Variants in STAB2 observed in about 807,000 individuals in gnomAD.
STAB2 encodes stabilin 2, also known as stabilin-2.
In STAB2, 288 loss-of-function variants were observed where a neutral mutation model predicts 338.1. The observed-to-expected ratio is 0.85, with a 90% CI of 0.77 to 0.94. The LOEUF is 0.94. STAB2 is among the 40% of genes least tolerant of loss of function. The probability of loss-of-function intolerance (pLI) is 0.00; values close to 1 mark genes in which losing one functional copy is unlikely to be tolerated. For missense variants in STAB2, 3,141 were observed against 3,210.1 expected (o/e 0.98, Z 0.52); for synonymous variants, 1,202 against 1,193.3 (o/e 1.01, Z -0.15).
In STAB2 at chr12:103,654,614, G is replaced by A. The variant is rs1315651598; in HGVS notation, c.1467G>A (p.Gly489=). The A allele has an allele frequency of 6.2e-7, 1 of 1,614,072 alleles. No individual in the cohort carries two copies. Among genetic ancestry groups the A allele is most frequent in the Non-Finnish European group, 8.5e-7 (1 of 1,179,980 alleles). The part of the protein sequence containing the change: ...GGKKKVKIIQ[G]DIIASNGLLH... ...AAAAGAAGGTAAAAATTATACAAGG[G>A]GACATCATTGCTTCCAATGGGCTTC... The change falls in exon 13 of 69, where the codon GGG becomes GGA. Residue 489 remains glycine (G), a synonymous_variant. Transcript: ENST00000388887.
In STAB2 at chr12:103,613,621, C is replaced by A. The variant is rs537933037; in HGVS notation, c.332-6847C>A. ...TTGGCTAGGAAAGGGAATTCCCTGA[C>A]CCCTTGCACTTCCCGGGCGAGGCAA... On this transcript the variant is annotated intron_variant, in intron 3 of 68. Transcript: ENST00000388887. Among the ~76,000 whole-genome samples, 812 of 152,276 alleles carry A rather than the reference C, an allele frequency of 5.3e-3. 6 individuals are homozygous for A. The highest frequency in any genetic ancestry group is 0.019 in the African/African-American group (779 of 41,556).
intron 53 of STAB2, among the ~76,000 whole-genome samples, chr12:103,738,222 A>G (rs1003903890): frequency 6.6e-6 from 1 of 152,344 alleles, no homozygotes; most frequent in African/African-American, 2.4e-5. Context: ...TCAGTCTAAT[A>G]TGATATGCCA....
intron 3 of STAB2, among the ~76,000 whole-genome samples, chr12:103,608,261 C>T (rs145536976): frequency 0.016 from 2,419 of 152,282 alleles, 73 homozygotes; most frequent in African/African-American, 0.055. Flanking sequence ...GCCTCAGCCT[C>T]CTGAGTAGCT....
Position 103,733,164 on chromosome 12 carries a change from T to A in STAB2, c.5442T>A (p.His1814Gln), listed in dbSNP as rs1204299745. 6.2e-7 allele frequency: 1 copy of A among 1,614,018 alleles called. No individual in the cohort carries two copies. ...AGCTGAAGGAGTATTTGAAGTTTCA[T>A]GTGATACGAGATGCCAAGGTATTTA... ...KDKLKEYLKF[H>Q]VIRDAKVLAV... is the part of the protein sequence containing the mutation. The change falls in exon 51 of 69, where the codon CAT (histidine) becomes CAA (glutamine). Residue 1814 changes from histidine (H) to glutamine (Q), a missense_variant. By Grantham distance (24) the His-to-Gln change is conservative (BLOSUM62 0). Coordinates refer to ENST00000388887, the MANE Select transcript of STAB2 (RefSeq NM_017564.10).
intron 4 of STAB2, among the ~76,000 whole-genome samples, chr12:103,621,264 T>G (rs1279307663): frequency 6.7e-6 from 1 of 149,792 alleles, no homozygotes. Context: ...AACCTTATGG[T>G]GCTATCCTCT....
intron 15 of STAB2, among the ~76,000 whole-genome samples, chr12:103,658,258 T>C (rs1874338439): frequency 6.6e-6 from 1 of 152,172 alleles, no homozygotes; most frequent in Non-Finnish European, 1.5e-5. Context: ...TGTTTTTACC[T>C]GAAACAGCAG....
intron 44 of STAB2, among the ~76,000 whole-genome samples, chr12:103,718,424 G>C (rs575666768): frequency 6.6e-6 from 1 of 152,248 alleles, no homozygotes; most frequent in Admixed American, 6.5e-5. Context: ...TAGATGCTCT[G>C]CATTGAGCAG....
intron 68 of STAB2, chr12:103,766,046 G>C (rs768693049): frequency 4.5e-6 from 3 of 660,076 alleles, no homozygotes; most frequent in Non-Finnish European, 8.4e-6. Context: ...AACTGCAGCC[G>C]AGTTGGGATG....
At chr12:103,749,301 T>C (rs1883369770) in intron 59 of STAB2, 145 bp downstream of exon 59, 1 of 940,010 alleles carries the variant, frequency 1.1e-6, no homozygotes, top group Admixed American at 3.0e-5. Context: ...TAAAAGTCAT[T>C]GGGCTAAATG....
intron 6 of STAB2, 147 bp downstream of exon 6, chr12:103,631,840 T>G: frequency 1.5e-6 from 1 of 679,194 alleles, no homozygotes. Flanking sequence ...AAAAAGAGAA[T>G]ATAGAAGAGA....
chr12:103,703,343 G>T, intron 35 of STAB2, 67 bp downstream of exon 35: 2 of 1,570,526 alleles, frequency 1.3e-6, no homozygotes, highest in Non-Finnish European at 1.7e-6. Context: ...TATAATTTTG[G>T]GGGCATAAGG....
At chr12:103,636,982 T>C in intron 6 of STAB2, 129 bp from the exon 7 acceptor site, 2 of 994,352 alleles carry the variant, frequency 2.0e-6, no homozygotes, top group Non-Finnish European at 2.7e-6. Context: ...TAACTTAACG[T>C]GTTCTGTATT....
intron 61 of STAB2, among the ~76,000 whole-genome samples, chr12:103,754,658 T>TA (rs1183437245): frequency 2.0e-5 from 3 of 152,112 alleles, no homozygotes; most frequent in Admixed American, 2.0e-4. Context: ...GATGAAGAAT[T>TA]AGAGTTCTAG....
At chr12:103,724,242 G>A (rs749076758) in intron 44 of STAB2, among the ~76,000 whole-genome samples, 31 of 152,214 alleles carry the variant, frequency 2.0e-4, no homozygotes, top group Non-Finnish European at 2.8e-4. Context: ...CCAGTGTGGA[G>A]GTAGTGGAGG....
chr12:103,650,472 C>T (rs751149369), intron 10 of STAB2, 24 bp from the exon 11 acceptor site: 3 of 1,609,238 alleles, frequency 1.9e-6, no homozygotes, highest in Non-Finnish European at 2.5e-6. Context: ...CGTTTTCTTT[C>T]TTTGTGTTAT....
chr12:103,746,534 C>G (rs1299910914), intron 57 of STAB2, 63 bp from the exon 58 acceptor site: 1 of 1,522,028 alleles, frequency 6.6e-7, no homozygotes, highest in Non-Finnish European at 9.1e-7. Flanking sequence ...GGAAAGTCTC[C>G]TTAGATGGGT....
At chr12:103,662,378 T>C (rs1257345846) in intron 17 of STAB2, among the ~76,000 whole-genome samples, 1 of 152,036 alleles carries the variant, frequency 6.6e-6, no homozygotes, top group East Asian at 1.9e-4. Flanking sequence ...TCAGAAATCT[T>C]TGCTAATTGG....
At chr12:103,669,876 A>G (rs1208885714) in intron 21 of STAB2, among the ~76,000 whole-genome samples, 1 of 152,168 alleles carries the variant, frequency 6.6e-6, no homozygotes, top group African/African-American at 2.4e-5. Flanking sequence ...GGGTAACTCA[A>G]GAAGGATCTC....
chr12:103,625,062 C>A (rs1308870749), intron 5 of STAB2, among the ~76,000 whole-genome samples: 6 of 152,038 alleles, frequency 3.9e-5, no homozygotes, highest in African/African-American at 1.4e-4. Flanking sequence ...TGTCTCCTCC[C>A]AAATTTACCC....
Sources: gnomAD v4.1 joint callset for allele counts (sites outside exome capture counted in the v4.1 genomes callset) on GRCh38, gnomAD v4.1.1 for gene constraint, MANE v1.5 for transcripts, NCBI Gene and HGNC (gene_info 2026-07-23, HGNC 2026-07-21) for gene names.